The following MYF5 variants were observed in gnomAD, a reference collection of about 807,000 sequenced individuals.
The protein encoded by MYF5 is myogenic factor 5.
In MYF5, 20 loss-of-function variants were observed where a neutral mutation model predicts 22.3. That is an observed-to-expected ratio of 0.90 (90% CI 0.63 to 1.30). The LOEUF (loss-of-function observed/expected upper bound fraction) is 1.30, where lower values mean the gene tolerates loss of function less well. MYF5 is among the 50% of genes most tolerant of loss of function. The probability of loss-of-function intolerance (pLI) is 0.00; values close to 1 mark genes in which losing one functional copy is unlikely to be tolerated. For synonymous variants in MYF5, 141 were observed against 128.4 expected (o/e 1.10, Z -0.66); for missense variants, 348 against 325.9 (o/e 1.07, Z -0.52).
Position 80,717,497 on chromosome 12 carries a change from A to T in MYF5, c.434A>T (p.Tyr145Phe). 6.2e-7 allele frequency: 1 copy of T among 1,614,118 alleles called. No homozygotes were observed. Among genetic ancestry groups the T allele is most frequent in the Non-Finnish European group, 8.5e-7 (1 of 1,180,018 alleles). The change falls in exon 1 of 3, where the codon TAC becomes TTC. Residue 145 changes from tyrosine (Y) to phenylalanine (F), a missense_variant. Physicochemically the swap from Tyr to Phe is conservative, Grantham distance 22 (BLOSUM62 3). Transcript: ENST00000228644. Reference sequence around the variant, plus strand: ...TTGCTGAGAGAGCAGGTGGAGAACTACTATAGCCTGCCGGGACAGAGCTGC... The same window carrying T: ...TTGCTGAGAGAGCAGGTGGAGAACTTCTATAGCCTGCCGGGACAGAGCTGC... ...QELLREQVENYYSLPGQSCSE... is the reference protein window; with the variant it reads ...QELLREQVENFYSLPGQSCSE...
In MYF5 at chr12:80,716,947, C is replaced by A; in HGVS notation, c.-117C>A. The A allele has an allele frequency of 2.3e-6, 3 of 1,284,210 alleles. No homozygotes were observed. Among genetic ancestry groups the A allele is most frequent in the East Asian group, 2.4e-5 (1 of 41,808 alleles). The allele number at this position is 1,284,210 out of a possible 1,614,324, so 79.6% of individuals were successfully genotyped here. On this transcript the variant is annotated 5_prime_UTR_variant, in exon 1 of 3. Coordinates refer to ENST00000228644, the MANE Select transcript of MYF5 (RefSeq NM_005593.3). The stretch of plus-strand genomic sequence containing the variant: ...ACAGGCGTCTGCCCTTGTTAATTAC[C>A]GGAGCGACAGACTAGGGAGCTCCGC...
At chr12:80,717,621 A>C in intron 1 of MYF5, 57 bp downstream of exon 1, 1 of 1,556,324 alleles carries the variant, frequency 6.4e-7, no homozygotes, top group Non-Finnish European at 8.7e-7. Context: ...AAGTCCTTAC[A>C]CCTCATTTAA....
Position 80,717,074 on chromosome 12 carries a change from T to G in MYF5, c.11T>G (p.Met4Arg). ...CTGCCTCTCAGCAGGATGGACGTGA[T>G]GGATGGCTGCCAGTTCTCACCTTCT... is the stretch of plus-strand genomic sequence containing the variant. Reference protein sequence around the residue: MDVMDGCQFSPSEY... With the variant: MDVRDGCQFSPSEY... The change falls in exon 1 of 3, where the codon ATG becomes AGG. Residue 4 changes from methionine (M) to arginine (R), a missense_variant. Physicochemically the swap from Met to Arg is moderately conservative, Grantham distance 91 (BLOSUM62 -1). Transcript: ENST00000228644. The G allele has an allele frequency of 1.2e-6, 2 of 1,602,920 alleles. No individual in the cohort carries two copies. The highest frequency in any genetic ancestry group is 1.7e-6 in the Non-Finnish European group (2 of 1,176,992).
chr12:80,717,545 C>G lies in MYF5; in HGVS notation c.482C>G (p.Ser161Cys). The G allele has an allele frequency of 6.2e-7, 1 of 1,613,956 alleles. No homozygotes were observed. Among genetic ancestry groups the G allele is most frequent in the Non-Finnish European group, 8.5e-7 (1 of 1,179,892 alleles). ...TGCTCGGAGCCCACCAGCCCCACCT[C>G]CAACTGCTCTGATGGCATGGTAAGC... is the stretch of plus-strand genomic sequence containing the variant. The part of the protein sequence containing the change: ...QSCSEPTSPT[S>C]NCSDGMPECN... The change falls in exon 1 of 3, where the codon TCC becomes TGC. Residue 161 changes from serine to cysteine, a missense_variant. Transcript: ENST00000228644.
At position 80,718,368 on chromosome 12, in the gene MYF5, A is replaced by G. The variant is rs143633658; in HGVS notation, c.512A>G (p.Asn171Ser). ...TGTCTTGTATTATAGCCCGAATGTA[A>G]CAGTCCTGTCTGGTCCAGAAAGAGC... ...SNCSDGMPEC[N>S]SPVWSRKSST... is the part of the protein sequence containing the mutation. Residue 171 changes from asparagine to serine, a missense_variant, in exon 2 of 3, where the codon AAC (asparagine) becomes AGC (serine). Physicochemically the swap from Asn to Ser is conservative, Grantham distance 46. Transcript: ENST00000228644. 1 of 1,614,018 alleles carries G rather than the reference A, an allele frequency of 6.2e-7. No individual in the cohort carries two copies. Among genetic ancestry groups the G allele is most frequent in the South Asian group, 1.1e-5 (1 of 91,080 alleles).
Position 80,717,161 on chromosome 12 carries a change from T to C in MYF5, c.98T>C (p.Val33Ala), listed in dbSNP as rs1868620774. 1.2e-6 allele frequency: 2 copies of C among 1,613,878 alleles called. No homozygotes were observed. The highest frequency in any genetic ancestry group is 1.3e-5 in the African/African-American group (1 of 74,928). Residue 33 changes from valine (V) to alanine (A), a missense_variant, in exon 1 of 3, where the codon GTG becomes GCG. Physicochemically the swap from Val to Ala is moderately conservative, Grantham distance 64. Coordinates refer to ENST00000228644, the MANE Select transcript of MYF5 (RefSeq NM_005593.3). ...GAGGGTGAATTTGGGGACGAGTTTG[T>C]GCCGCGAGTGGCTGCCTTCGGAGCG... ...SPEGEFGDEF[V>A]PRVAAFGAHK...
At chr12:80,718,830 T>A in intron 2 of MYF5, 31 bp from the exon 3 acceptor site, 1 of 1,566,912 alleles carries the variant, frequency 6.4e-7, no homozygotes, top group Non-Finnish European at 8.7e-7. Context: ...GGGCTAATTA[T>A]TTTTTAATGC....
chr12:80,718,217 T>C, intron 1 of MYF5, 141 bp from the exon 2 acceptor site: 1 of 742,422 alleles, frequency 1.3e-6, no homozygotes. Flanking sequence ...TGGAGAGGGC[T>C]AGCCCTTCCT....
chr12:80,717,987 C>T (rs973075061), intron 1 of MYF5, among the ~76,000 whole-genome samples: 4 of 152,184 alleles, frequency 2.6e-5, no homozygotes, highest in African/African-American at 9.7e-5. Flanking sequence ...GATGTTGATG[C>T]ATTCTTTTTA....
rs145072119 is a variant in MYF5, at chr12:80,717,003, G to T, written c.-61G>T. 1.3e-6 allele frequency: 2 copies of T among 1,535,934 alleles called. No individual in the cohort carries two copies. Among genetic ancestry groups the T allele is most frequent in the Non-Finnish European group, 1.7e-6 (2 of 1,144,572 alleles). ...ATTTGCCCATCGGCGGAGGCGCCAG[G>T]CTCCCGTTTCTCCCCATCCCTCTCG... On this transcript the variant is annotated 5_prime_UTR_variant, in exon 1 of 3. Transcript: ENST00000228644.
At chr12:80,718,767 C>G in intron 2 of MYF5, 94 bp from the exon 3 acceptor site, 1 of 1,096,600 alleles carries the variant, frequency 9.1e-7, no homozygotes, top group South Asian at 1.5e-5. Flanking sequence ...CTCTGGGTGT[C>G]AGAGGAGCTG....
Position 80,716,928 on chromosome 12 carries a change from G to T in MYF5, c.-136G>T. ...AGCTTGTCTACCCAGGCCAACAGGC[G>T]TCTGCCCTTGTTAATTACCGGAGCG... On this transcript the variant is annotated 5_prime_UTR_variant, in exon 1 of 3. Transcript: ENST00000228644. The T allele has an allele frequency of 9.1e-7, 1 of 1,093,812 alleles. No homozygotes were observed. Among genetic ancestry groups the T allele is most frequent in the Admixed American group, 2.7e-5 (1 of 37,282 alleles). The allele number at this position is 1,093,812 out of a possible 1,614,324, so 67.8% of individuals were successfully genotyped here. A position where few individuals can be genotyped will look rare whatever the true frequency, so the allele number is the denominator to read the frequency against.
In MYF5 at chr12:80,717,007, C is replaced by G. The variant is rs1048072662; in HGVS notation, c.-57C>G. On this transcript the variant is annotated 5_prime_UTR_variant, in exon 1 of 3. Transcript: ENST00000228644. ...GCCCATCGGCGGAGGCGCCAGGCTCCCGTTTCTCCCCATCCCTCTCGCTGC... is the reference window on the plus strand; with the variant it reads ...GCCCATCGGCGGAGGCGCCAGGCTCGCGTTTCTCCCCATCCCTCTCGCTGC... 6.5e-7 allele frequency: 1 copy of G among 1,539,300 alleles called. No homozygotes were observed. Among genetic ancestry groups the G allele is most frequent in the South Asian group, 1.2e-5 (1 of 81,882 alleles).
intron 1 of MYF5, 34 bp downstream of exon 1, chr12:80,717,598 C>T (rs1868641856): frequency 1.3e-6 from 2 of 1,593,416 alleles, no homozygotes; most frequent in African/African-American, 1.3e-5. Flanking sequence ...CTAGGCTACC[C>T]TAATCTTTTC....
rs1868694640 is a variant in MYF5, at chr12:80,719,463, A to G, written c.*412A>G. 1 of 151,796 alleles carries G rather than the reference A, an allele frequency of 6.6e-6. No homozygotes were observed. 9.4% of individuals were successfully genotyped at this position (151,796 alleles called of 1,614,324 possible). ...CTGAGAATCAGTTAAATGGAATTTT[A>G]AATATATTTAACTATTTCTTTTCTC... On this transcript the variant is annotated 3_prime_UTR_variant, in exon 3 of 3. Transcript: ENST00000228644.
rs746308787 is a variant in MYF5 at position 80,718,883 on chromosome 12, C to T, written c.600C>T (p.Ser200=). ...VSNVYATDKN[S]LSSLDCLSNI... Reference sequence around the variant, plus strand: ...TAGTATATGCCACAGATAAAAACTCCTTATCCAGCTTGGATTGCTTATCCA... The same window carrying T: ...TAGTATATGCCACAGATAAAAACTCTTTATCCAGCTTGGATTGCTTATCCA... The change falls in exon 3 of 3, where the codon TCC becomes TCT. Residue 200 remains serine (S), a synonymous_variant. Coordinates refer to ENST00000228644, the MANE Select transcript of MYF5 (RefSeq NM_005593.3). The T allele has an allele frequency of 6.2e-7, 1 of 1,613,756 alleles. No homozygotes were observed. Among genetic ancestry groups the T allele is most frequent in the Non-Finnish European group, 8.5e-7 (1 of 1,179,790 alleles).
rs574803863 is a variant in MYF5, at chr12:80,719,486, C to T, written c.*435C>T. ...TTAAATATATTTAACTATTTCTTTT[C>T]TCTTTAATCCTTTAGTTATATTGTA... On this transcript the variant is annotated 3_prime_UTR_variant, in exon 3 of 3. Transcript: ENST00000228644. 1.3e-5 allele frequency: 2 copies of T among 151,816 alleles called. No homozygotes were observed. Among genetic ancestry groups the T allele is most frequent in the African/African-American group, 4.8e-5 (2 of 41,472 alleles). 9.4% of individuals were successfully genotyped at this position (151,816 alleles called of 1,614,324 possible). A position where few individuals can be genotyped will look rare whatever the true frequency, so the allele number is the denominator to read the frequency against.
At position 80,718,943 on chromosome 12, in the gene MYF5, T is replaced by C. The variant is rs1430525464; in HGVS notation, c.660T>C (p.Pro220=). Residue 220 remains proline, a synonymous_variant, in exon 3 of 3, where the codon CCT becomes CCC. Coordinates refer to ENST00000228644, the MANE Select transcript of MYF5 (RefSeq NM_005593.3). The stretch of plus-strand genomic sequence containing the variant: ...ACCGGATCACCTCCTCAGAGCAACC[T>C]GGGTTGCCTCTCCAGGATCTGGCTT... ...IVDRITSSEQ[P]GLPLQDLASL... is the part of the protein sequence containing the mutation. 1 of 1,614,090 alleles carries C rather than the reference T, an allele frequency of 6.2e-7. No individual in the cohort carries two copies.
Position 80,718,323 on chromosome 12 carries a change from T to C in MYF5, c.502-35T>C, listed in dbSNP as rs116226876. ...GGTCAGAACATCTTTTGCCAAGACC[T>C]GAAAACAAACTTTGTTGTGTGTCTT... On this transcript the variant is annotated intron_variant, in intron 1 of 2. Coordinates refer to ENST00000228644, the MANE Select transcript of MYF5 (RefSeq NM_005593.3). The C allele has an allele frequency of 9.8e-4, 1,570 of 1,596,372 alleles. 18 individuals carry two copies. The African/African-American group carries it at 0.019, about 19-fold the overall frequency.
Sources: allele counts gnomAD v4.1 joint callset (sites outside exome capture counted in the v4.1 genomes callset), GRCh38; gene constraint gnomAD v4.1.1; transcripts MANE v1.5; gene names NCBI Gene and HGNC (gene_info 2026-07-23, HGNC 2026-07-21).